The following ZBTB20 variants were observed in gnomAD, a reference collection of about 807,000 sequenced individuals.
The protein encoded by ZBTB20 is zinc finger and BTB domain containing 20.
ZBTB20 carries 9 observed loss-of-function variants against 56.9 expected under a neutral mutation model. The ratio of observed to expected loss-of-function variants is 0.16; its 90% CI spans 0.10 to 0.28. The LOEUF is 0.28. ZBTB20 is among the 10% of genes least tolerant of loss of function. ZBTB20 has a pLI of 1.00. For synonymous variants in ZBTB20, 417 were observed against 420.7 expected, an observed-to-expected ratio of 0.99 and a Z score of 0.11; for missense variants, 655 against 1,003.0, an observed-to-expected ratio of 0.65 and a Z score of 4.69.
At chr3:115,055,045 C>T (rs1380261773) in intron 2 of ZBTB20, among the ~76,000 whole-genome samples, 1 of 152,030 alleles carries the variant, frequency 6.6e-6, no homozygotes, top group Non-Finnish European at 1.5e-5. Flanking sequence ...CCAGGGGTTC[C>T]TTGAGACAAA....
chr3:114,645,608 G>T (rs1175504597), intron 6 of ZBTB20, among the ~76,000 whole-genome samples: 1 of 151,968 alleles, frequency 6.6e-6, no homozygotes, highest in African/African-American at 2.4e-5. Context: ...ATTTTATTTT[G>T]GTATTACTAT....
At chr3:114,852,469 G>A (rs928597076) in intron 4 of ZBTB20, among the ~76,000 whole-genome samples, 1 of 151,816 alleles carries the variant, frequency 6.6e-6, no homozygotes, top group Admixed American at 6.6e-5. Context: ...TCACCATGCT[G>A]GCCAGGCTGG....
At chr3:115,033,006 A>G (rs1242734674) in intron 2 of ZBTB20, among the ~76,000 whole-genome samples, 1 of 150,418 alleles carries the variant, frequency 6.6e-6, no homozygotes, top group African/African-American at 2.4e-5. Context: ...AGCAGAAGGA[A>G]AGAAATACGT....
rs72945792 is a variant in ZBTB20 at position 115,130,459 on chromosome 3, C to T, written c.-703+16760G>A. ...TGAACACTGAACAAAGTGAAACATA[C>T]GCTCTAAGTTTTATCAAGGGATATC... is the stretch of plus-strand genomic sequence containing the variant. On this transcript the variant is annotated intron_variant, in intron 1 of 11. Transcript: ENST00000675478. Among the ~76,000 whole-genome samples, 862 of 152,268 alleles carry T rather than the reference C, an allele frequency of 5.7e-3. 12 individuals carry two copies. The highest frequency in any genetic ancestry group is 0.02 in the African/African-American group (829 of 41,536).
At chr3:114,655,339 G>A (rs1318439007) in intron 6 of ZBTB20, among the ~76,000 whole-genome samples, 12 of 135,602 alleles carry the variant, frequency 8.8e-5, no homozygotes, top group South Asian at 2.5e-4. Context: ...TGCAAGCTCC[G>A]CTTCCCGGGT....
intron 6 of ZBTB20, among the ~76,000 whole-genome samples, chr3:114,619,761 T>C (rs1577997905): frequency 6.6e-6 from 1 of 152,346 alleles, no homozygotes; most frequent in East Asian, 1.9e-4. Context: ...TTTTCAGCTA[T>C]TATTTACCTC....
At chr3:114,836,966 C>T (rs902290090) in intron 4 of ZBTB20, among the ~76,000 whole-genome samples, 1 of 152,130 alleles carries the variant, frequency 6.6e-6, no homozygotes, top group Non-Finnish European at 1.5e-5. Flanking sequence ...TCTTTCTGTT[C>T]TCATCTTCTA....
chr3:114,714,727 C>G (rs1295542422), intron 5 of ZBTB20, among the ~76,000 whole-genome samples: 2 of 152,164 alleles, frequency 1.3e-5, no homozygotes, highest in Non-Finnish European at 2.9e-5. Context: ...GCATTAGTCT[C>G]ACAATAATTA....
chr3:114,869,800 T>A (rs2107531939), intron 4 of ZBTB20, among the ~76,000 whole-genome samples: 1 of 152,228 alleles, frequency 6.6e-6, no homozygotes, highest in East Asian at 1.9e-4. Context: ...TAATGTTACA[T>A]AACCCACTTG....
chr3:114,671,544 GT>G (rs2061360519), intron 6 of ZBTB20, among the ~76,000 whole-genome samples: 1 of 151,732 alleles, frequency 6.6e-6, no homozygotes, highest in African/African-American at 2.4e-5. Flanking sequence ...TTTTCCAAAT[GT>G]ATCTCTCTTA....
intron 2 of ZBTB20, among the ~76,000 whole-genome samples, chr3:115,006,684 A>G (rs2079487403): frequency 6.6e-6 from 1 of 151,668 alleles, no homozygotes; most frequent in Non-Finnish European, 1.5e-5. Flanking sequence ...ACCTACCCCT[A>G]TCATGCACCT....
At chr3:115,008,614 A>C (rs2079570030) in intron 2 of ZBTB20, among the ~76,000 whole-genome samples, 1 of 151,930 alleles carries the variant, frequency 6.6e-6, no homozygotes. Flanking sequence ...AGGAAAGATA[A>C]ATGTCTAATA....
chr3:114,352,385 T>C (rs2080766514), intron 10 of ZBTB20, among the ~76,000 whole-genome samples: 1 of 152,228 alleles, frequency 6.6e-6, no homozygotes, highest in Non-Finnish European at 1.5e-5. Flanking sequence ...ACAGTGACCA[T>C]ATTCATAGTT....
rs71993681 is a variant in ZBTB20 at position 114,544,409 on chromosome 3, CTT to C, written c.-294-44020_-294-44019del. ...AGCACTCTTAAAAACTAGATTTCTTCTTTCTTTCTTTCTTTCTTTCTTTCTTT... is the reference window on the plus strand; with the variant it reads ...AGCACTCTTAAAAACTAGATTTCTTCTCTTTCTTTCTTTCTTTCTTTCTTT... On this transcript the variant is annotated intron_variant, in intron 6 of 11. Coordinates refer to ENST00000675478, the MANE Select transcript of ZBTB20 (RefSeq NM_001348800.3). Among the ~76,000 whole-genome samples the C allele has an allele frequency of 8.6e-3, 44 of 5,110 alleles. 1 individual carries two copies. The highest frequency in any genetic ancestry group is 0.013 in the African/African-American group (38 of 2,954). 3.4% of individuals were successfully genotyped at this position (5,110 alleles called of 152,430 possible). A position where few individuals can be genotyped will look rare whatever the true frequency, so the allele number is the denominator to read the frequency against.
Position 114,564,958 on chromosome 3 carries a change from A to G in ZBTB20, c.-294-64567T>C, listed in dbSNP as rs150731161. 3.8e-3 allele frequency among the ~76,000 whole-genome samples: 578 copies of G among 152,280 alleles called. 4 individuals carry two copies. Among genetic ancestry groups the G allele is most frequent in the African/African-American group, 0.013 (526 of 41,550 alleles). On this transcript the variant is annotated intron_variant, in intron 6 of 11. Transcript: ENST00000675478. ...ATGTCTTCCTTCTCTTACCTAAAAT[A>G]TCTGCTTGCCTGACCTACATCTCCC...
intron 5 of ZBTB20, among the ~76,000 whole-genome samples, chr3:114,776,758 A>G (rs1231484323): frequency 6.6e-6 from 1 of 152,210 alleles, no homozygotes; most frequent in African/African-American, 2.4e-5. Flanking sequence ...ACAGGATGCC[A>G]AGGCTTGAAG....
At chr3:114,725,938 A>G (rs2065245103) in intron 5 of ZBTB20, among the ~76,000 whole-genome samples, 1 of 152,224 alleles carries the variant, frequency 6.6e-6, no homozygotes, top group African/African-American at 2.4e-5. Flanking sequence ...TGCAAAAGTC[A>G]GGCACAGTAA....
At chr3:114,620,568 A>T (rs1458504045) in intron 6 of ZBTB20, among the ~76,000 whole-genome samples, 1 of 152,212 alleles carries the variant, frequency 6.6e-6, no homozygotes, top group East Asian at 1.9e-4. Flanking sequence ...CTGGGATTAC[A>T]GGCATGAGCC....
intron 11 of ZBTB20, among the ~76,000 whole-genome samples, chr3:114,342,458 T>TAAAAAACC (rs1317123435): frequency 6.6e-6 from 1 of 152,182 alleles, no homozygotes; most frequent in African/African-American, 2.4e-5. Context: ...GGGAAGGTCA[T>TAAAAAACC]ATAAGTTCCT....
Sources: gnomAD v4.1 joint callset for allele counts (sites outside exome capture counted in the v4.1 genomes callset) on GRCh38, gnomAD v4.1.1 for gene constraint, MANE v1.5 for transcripts, NCBI Gene and HGNC (gene_info 2026-07-23, HGNC 2026-07-21) for gene names.